The following LMNTD1 variants were observed in gnomAD, a reference collection of about 807,000 sequenced individuals.
LMNTD1 encodes lamin tail domain-containing protein 1.
A neutral mutation model predicts 50.9 loss-of-function variants in LMNTD1; 35 were observed. The ratio of observed to expected loss-of-function variants is 0.69; its 90% CI spans 0.53 to 0.91. LMNTD1 has a LOEUF of 0.91. LMNTD1 is among the 40% of genes least tolerant of loss of function. The pLI, the probability that LMNTD1 is intolerant of heterozygous loss-of-function variation, is 0.00. For missense variants in LMNTD1, 470 were observed against 475.5 expected (o/e 0.99, Z 0.11); for synonymous variants, 153 against 161.9 (o/e 0.94, Z 0.42).
At chr12:25,511,058 G>C (rs116690320) in intron 8 of LMNTD1, among the ~76,000 whole-genome samples, 1 of 152,104 alleles carries the variant, frequency 6.6e-6, no homozygotes, top group African/African-American at 2.4e-5. Context: ...GGATGAAAAA[G>C]AATTATCCAT....
intron 1 of LMNTD1, among the ~76,000 whole-genome samples, chr12:25,640,906 A>G (rs562761252): frequency 1.3e-5 from 2 of 152,240 alleles, no homozygotes; most frequent in Non-Finnish European, 2.9e-5. Flanking sequence ...TGACCTCGTG[A>G]TCCACCTGCC....
chr12:25,480,556 C>T (rs1938412531), intron 9 of LMNTD1, among the ~76,000 whole-genome samples: 1 of 152,148 alleles, frequency 6.6e-6, no homozygotes, highest in South Asian at 2.1e-4. Flanking sequence ...CTGTCTTGGC[C>T]AATGCAGATC....
chr12:25,536,015 C>T (rs1474693689), intron 4 of LMNTD1, among the ~76,000 whole-genome samples: 1 of 152,080 alleles, frequency 6.6e-6, no homozygotes, highest in African/African-American at 2.4e-5. Flanking sequence ...AGGATCAATT[C>T]ATCAGAAGGA....
chr12:25,570,385 AG>A (rs1411409967), intron 1 of LMNTD1, among the ~76,000 whole-genome samples: 1 of 152,180 alleles, frequency 6.6e-6, no homozygotes, highest in African/African-American at 2.4e-5. Flanking sequence ...TGGGCCTCAA[AG>A]GTTGGATAGA....
At chr12:25,590,316 C>A (rs1945657522) in intron 1 of LMNTD1, among the ~76,000 whole-genome samples, 1 of 152,144 alleles carries the variant, frequency 6.6e-6, no homozygotes, top group Non-Finnish European at 1.5e-5. Context: ...AAAAAAAGGA[C>A]CATCTCTATT....
intron 1 of LMNTD1, among the ~76,000 whole-genome samples, chr12:25,645,483 A>C (rs1363768413): frequency 6.6e-6 from 1 of 152,208 alleles, no homozygotes; most frequent in African/African-American, 2.4e-5. Context: ...CTGGATGTTC[A>C]CTGCAGCCTT....
At position 25,546,382 on chromosome 12, in the gene LMNTD1, A is replaced by G. The variant is rs143922642; in HGVS notation, c.483T>C (p.Phe161=). 1.9e-4 allele frequency: 304 copies of G among 1,576,374 alleles called. 1 individual carries two copies. The highest frequency in any genetic ancestry group is 1.8e-3 in the Middle Eastern group (9 of 4,890). Residue 161 remains phenylalanine, a synonymous_variant, in exon 4 of 10, where the codon TTT becomes TTC. Transcript: ENST00000458174. Reference sequence around the variant, plus strand: ...TCAAATAAAATATGTACCTGGAGGTAAATTGGCCAACTTCTTCAAGAATCA... The same window carrying G: ...TCAAATAAAATATGTACCTGGAGGTGAATTGGCCAACTTCTTCAAGAATCA... ...FSMILEEVGQ[F]TSSSLGDVEI... is the part of the protein sequence containing the mutation.
At chr12:25,565,915 T>C (rs1944538749) in intron 1 of LMNTD1, among the ~76,000 whole-genome samples, 1 of 152,208 alleles carries the variant, frequency 6.6e-6, no homozygotes, top group African/African-American at 2.4e-5. Context: ...AAATATGTTA[T>C]GCCACTCTAT....
chr12:25,644,313 CAA>C (rs59091210), intron 1 of LMNTD1, among the ~76,000 whole-genome samples: 11 of 82,086 alleles, frequency 1.3e-4, no homozygotes, highest in African/African-American at 1.9e-4. Flanking sequence ...CCTTTCTCTA[CAA>C]AAAAAAAAAA....
chr12:25,494,731 G>T (rs1275829626), intron 9 of LMNTD1, among the ~76,000 whole-genome samples: 3 of 152,104 alleles, frequency 2.0e-5, no homozygotes. Flanking sequence ...AATATTTACA[G>T]TGTACAACAT....
At chr12:25,618,986 T>C (rs1300768324) in intron 1 of LMNTD1, among the ~76,000 whole-genome samples, 1 of 152,196 alleles carries the variant, frequency 6.6e-6, no homozygotes, top group Non-Finnish European at 1.5e-5. Flanking sequence ...ACAGGTTTGG[T>C]GATGGGTTAA....
intron 9 of LMNTD1, among the ~76,000 whole-genome samples, chr12:25,481,910 T>C (rs1938460959): frequency 1.5e-5 from 2 of 133,710 alleles, no homozygotes; most frequent in South Asian, 2.5e-4. Context: ...CACACACATA[T>C]AGTGAAAGGT....
upstream of LMNTD1, among the ~76,000 whole-genome samples, chr12:25,555,399 C>G (rs150815482): frequency 3.9e-5 from 6 of 152,208 alleles, no homozygotes; most frequent in Non-Finnish European, 7.4e-5. Flanking sequence ...ACATGTAATA[C>G]AGGAAACAGA....
chr12:25,535,995 T>TAA (rs71065952), intron 4 of LMNTD1, among the ~76,000 whole-genome samples: 101,863 of 151,870 alleles, frequency 0.67, 34,520 homozygotes, highest in Admixed American at 0.73. Context: ...AGTCATTTCA[T>TAA]AATGATACAA....
rs897198196 is a variant in LMNTD1, at chr12:25,575,934, T to C, written c.59-29380A>G. The stretch of plus-strand genomic sequence containing the variant: ...CAATTCCTACCTATGAGTGAGAACA[T>C]GGGGTGTTTGGTTTTCTGTCCTTGC... On this transcript the variant is annotated intron_variant, in intron 1 of 7. Transcript: ENST00000445693. 3.3e-5 allele frequency among the ~76,000 whole-genome samples: 5 copies of C among 152,108 alleles called. No individual in the cohort carries two copies. In the East Asian group the frequency reaches 9.7e-4, roughly 29 times the overall value.
At chr12:25,532,354 C>T (rs540733208) in intron 4 of LMNTD1, among the ~76,000 whole-genome samples, 41 of 152,292 alleles carry the variant, frequency 2.7e-4, no homozygotes, top group South Asian at 2.3e-3. Context: ...TATAGACTTA[C>T]TCTTCCATCT....
chr12:25,520,408 C>T (rs1372936950), intron 6 of LMNTD1, among the ~76,000 whole-genome samples: 3 of 151,964 alleles, frequency 2.0e-5, no homozygotes, highest in Admixed American at 6.6e-5. Context: ...TCCCTGTGAA[C>T]CAGTTTTATT....
chr12:25,535,784 T>C (rs745789844), intron 4 of LMNTD1, among the ~76,000 whole-genome samples: 9 of 152,100 alleles, frequency 5.9e-5, no homozygotes, highest in Admixed American at 1.3e-4. Context: ...ACAGAGATTT[T>C]TCAGATTGGC....
At chr12:25,481,119 C>T (rs371216620) in intron 9 of LMNTD1, among the ~76,000 whole-genome samples, 5 of 151,936 alleles carry the variant, frequency 3.3e-5, no homozygotes, top group South Asian at 2.1e-4. Context: ...CCACATCCCA[C>T]GTGGCTTGTT....
Sources: allele counts gnomAD v4.1 joint callset (sites outside exome capture counted in the v4.1 genomes callset), GRCh38; gene constraint gnomAD v4.1.1; transcripts MANE v1.5; gene names NCBI Gene and HGNC (gene_info 2026-07-23, HGNC 2026-07-21).